PLK4: variants seen among roughly 807,000 people sequenced by gnomAD.
PLK4 encodes serine/threonine-protein kinase PLK4.
A neutral mutation model predicts 103.0 loss-of-function variants in PLK4; 51 were observed. The ratio of observed to expected loss-of-function variants is 0.50; its 90% CI spans 0.40 to 0.63. The LOEUF (loss-of-function observed/expected upper bound fraction) is 0.63, where lower values mean the gene tolerates loss of function less well. Ranked by LOEUF, PLK4 falls within the 20% of genes least tolerant of loss-of-function variation. The probability of loss-of-function intolerance (pLI) is 0.00; values close to 1 mark genes in which losing one functional copy is unlikely to be tolerated. For missense variants in PLK4, 1,054 were observed against 1,151.0 expected (o/e 0.92, Z 1.22); for synonymous variants, 389 against 376.8 (o/e 1.03, Z -0.38).
intron 4 of PLK4, among the ~76,000 whole-genome samples, chr4:127,884,563 G>T (rs768110727): frequency 6.6e-6 from 1 of 152,176 alleles, no homozygotes; most frequent in South Asian, 2.1e-4. Context: ...CAGCACCTTG[G>T]GGGGCTGAGG....
In PLK4 at chr4:127,883,309, A is replaced by G; in HGVS notation, c.174A>G (p.Gln58=). The G allele has an allele frequency of 6.2e-7, 1 of 1,605,310 alleles. No homozygotes were observed. Among genetic ancestry groups the G allele is most frequent in the Non-Finnish European group, 8.5e-7 (1 of 1,172,260 alleles). Residue 58 remains glutamine (Q), a synonymous_variant, in exon 3 of 16, where the codon CAA becomes CAG. Coordinates refer to ENST00000270861, the MANE Select transcript of PLK4 (RefSeq NM_014264.5). ...AAGCAGGAATGGTACAGAGAGTCCA[A>G]AATGAGGTGAAAATACATTGCCAAT... ...MYKAGMVQRV[Q]NEVKIHCQLK...
intron 13 of PLK4, among the ~76,000 whole-genome samples, chr4:127,894,264 T>C (rs1735476580): frequency 1.3e-5 from 2 of 151,418 alleles, no homozygotes; most frequent in Non-Finnish European, 2.9e-5. Context: ...TGAGACGGAG[T>C]CACCCAGGCT....
At chr4:127,881,340 T>C (rs1734911881) in intron 1 of PLK4, 176 bp downstream of exon 1, 1 of 1,461,876 alleles carries the variant, frequency 6.8e-7, no homozygotes, top group South Asian at 1.4e-5. Context: ...GGCCCGCCCC[T>C]CAAGAGACAA....
intron 13 of PLK4, 96 bp from the exon 14 acceptor site, chr4:127,894,857 T>C: frequency 1.3e-6 from 1 of 767,844 alleles, no homozygotes; most frequent in Non-Finnish European, 1.9e-6. Context: ...TTAAAAAAAT[T>C]AAGCTAATGA....
At position 127,883,277 on chromosome 4, in the gene PLK4, A is replaced by C; in HGVS notation, c.142A>C (p.Met48Leu). The C allele has an allele frequency of 6.4e-7, 1 of 1,568,696 alleles. No homozygotes were observed. The highest frequency in any genetic ancestry group is 2.2e-5 in the East Asian group (1 of 44,578). ...VAIKMIDKKA[M>L]YKAGMVQRVQ... ...TTATTTTTAGATAGATAAGAAAGCC[A>C]TGTACAAAGCAGGAATGGTACAGAG... Residue 48 changes from methionine to leucine, a missense_variant, in exon 3 of 16, where the codon ATG (methionine) becomes CTG (leucine). This residue lies in a region of PLK4 where 199 missense variants were observed against 270.1 expected (regional missense o/e 0.74). Transcript: ENST00000270861.
At chr4:127,884,539 C>G (rs1275620619) in intron 4 of PLK4, among the ~76,000 whole-genome samples, 1 of 152,192 alleles carries the variant, frequency 6.6e-6, no homozygotes, top group Non-Finnish European at 1.5e-5. Flanking sequence ...CTCAGTGGCT[C>G]ACGCCTGTAA....
In PLK4 at chr4:127,890,111, G is replaced by T. The variant is rs1486840223; in HGVS notation, c.1705G>T (p.Glu569Ter). The T allele has an allele frequency of 1.2e-6, 2 of 1,614,068 alleles. No individual in the cohort carries two copies. Among genetic ancestry groups the T allele is most frequent in the Non-Finnish European group, 1.7e-6 (2 of 1,179,948 alleles). ...ECVFGSDPLS[E>*]QSKTRGMEPP... ...TGTTTTTGGCTCAGATCCTCTTTCT[G>T]AACAGAGCAAGACTAGGGGTATGGA... is the stretch of plus-strand genomic sequence containing the variant. Residue 569 changes from glutamate (E) to a stop codon, truncating the protein, a stop_gained, in exon 7 of 16, where the codon GAA becomes TAA. Coordinates refer to ENST00000270861, the MANE Select transcript of PLK4 (RefSeq NM_014264.5). LOFTEE classifies it high-confidence loss of function.
At position 127,898,957 on chromosome 4, in the gene PLK4, T is replaced by C. The variant is rs530886084; in HGVS notation, c.*416T>C. The C allele has an allele frequency of 6.5e-6, 1 of 153,964 alleles. No homozygotes were observed. The highest frequency in any genetic ancestry group is 2.1e-4 in the South Asian group (1 of 4,868). The allele number at this position is 153,964 out of a possible 1,614,324, so 9.5% of individuals were successfully genotyped here. A position where few individuals can be genotyped will look rare whatever the true frequency, so the allele number is the denominator to read the frequency against. On this transcript the variant is annotated 3_prime_UTR_variant, in exon 16 of 16. Coordinates refer to ENST00000270861, the MANE Select transcript of PLK4 (RefSeq NM_014264.5). ...ATGTAAATAATGTGTATTTATGTTA[T>C]AAGTAACATATGTAAACATGTATAT...
Position 127,891,645 on chromosome 4 carries a change from G to A in PLK4, c.2002G>A (p.Asp668Asn). 1 of 1,541,950 alleles carries A rather than the reference G, an allele frequency of 6.5e-7. No individual in the cohort carries two copies. The highest frequency in any genetic ancestry group is 1.8e-5 in the Admixed American group (1 of 54,460). The change falls in exon 9 of 16, where the codon GAC becomes AAC. Residue 668 changes from aspartate (D) to asparagine (N), a missense_variant. By Grantham distance (23) the Asp-to-Asn change is conservative. Transcript: ENST00000270861. ...TGCTGATAGACCACCCTCACCTACT[G>A]ACAACATCAGTAGGTACAGCTTTGA... ...PLADRPPSPT[D>N]NISRYSFDNL... is the part of the protein sequence containing the mutation.
chr4:127,891,230 C>G, intron 8 of PLK4, 34 bp downstream of exon 8: 2 of 1,053,380 alleles, frequency 1.9e-6, no homozygotes, highest in Non-Finnish European at 2.8e-6. Context: ...CTTGCAACTT[C>G]AAATTATCGT....
chr4:127,886,351 G>A lies in PLK4; in HGVS notation c.981G>A (p.Lys327=), dbSNP rs748916317. 1 of 1,613,638 alleles carries A rather than the reference G, an allele frequency of 6.2e-7. No individual in the cohort carries two copies. The highest frequency in any genetic ancestry group is 1.1e-5 in the South Asian group (1 of 90,954). ...PLPNKMTVFP[K]NKSSTDFSSS... ...CAAATAAAATGACTGTATTTCCAAA[G>A]AATAAAAGTTCAACTGATTTTTCTT... The change falls in exon 5 of 16, where the codon AAG becomes AAA. Residue 327 remains lysine (K), a synonymous_variant. Transcript: ENST00000270861.
intron 13 of PLK4, 132 bp from the exon 14 acceptor site, chr4:127,894,821 A>G: frequency 1.8e-6 from 1 of 565,942 alleles, no homozygotes; most frequent in Non-Finnish European, 3.0e-6. Context: ...TAATGTGGTT[A>G]TATTTTCGTT....
chr4:127,885,871 G>A lies in PLK4; in HGVS notation c.501G>A (p.Lys167=), dbSNP rs1250006986. ...CTCAACTGAAAATGCCACATGAAAA[G>A]CACTATACATTATGTGGAACTCCTA... is the stretch of plus-strand genomic sequence containing the variant. ...LATQLKMPHE[K]HYTLCGTPNY... Residue 167 remains lysine, a synonymous_variant, in exon 5 of 16, where the codon AAG becomes AAA. Coordinates refer to ENST00000270861, the MANE Select transcript of PLK4 (RefSeq NM_014264.5). The A allele has an allele frequency of 1.9e-6, 3 of 1,614,060 alleles. No individual in the cohort carries two copies. Among genetic ancestry groups the A allele is most frequent in the Non-Finnish European group, 2.5e-6 (3 of 1,179,984 alleles).
intron 7 of PLK4, 59 bp downstream of exon 7, chr4:127,890,295 G>C: frequency 7.2e-7 from 1 of 1,393,854 alleles, no homozygotes; most frequent in Non-Finnish European, 9.8e-7. Flanking sequence ...TACAATTCTT[G>C]AGAACATATT....
chr4:127,896,774 TCTTACCCATG>T lies in PLK4; in HGVS notation c.2704-22_2704-13del. On this transcript the variant is annotated splice_polypyrimidine_tract_variant and intron_variant, in intron 14 of 15. Coordinates refer to ENST00000270861, the MANE Select transcript of PLK4 (RefSeq NM_014264.5). ...TGTTTTTTTTTTTTTCTGTGCCTGTTCTTACCCATGCTTATTATTTTTCTAGTTAACTAGT... is the reference window on the plus strand; with the variant it reads ...TGTTTTTTTTTTTTTCTGTGCCTGTTCTTATTATTTTTCTAGTTAACTAGT... 7.3e-7 allele frequency: 1 copy of T among 1,367,980 alleles called. No homozygotes were observed. The highest frequency in any genetic ancestry group is 1.0e-6 in the Non-Finnish European group (1 of 959,696). 84.7% of individuals were successfully genotyped at this position (1,367,980 alleles called of 1,614,324 possible). A position where few individuals can be genotyped will look rare whatever the true frequency, so the allele number is the denominator to read the frequency against.
At chr4:127,896,019 A>G (rs137984487) in intron 14 of PLK4, among the ~76,000 whole-genome samples, 4 of 152,328 alleles carry the variant, frequency 2.6e-5, no homozygotes, top group African/African-American at 9.6e-5. Context: ...TGACACATGT[A>G]CTTTTACTTA....
rs555753268 is a variant in PLK4, at chr4:127,882,348, G to A, written c.126+422G>A. On this transcript the variant is annotated intron_variant, in intron 2 of 15. Coordinates refer to ENST00000270861, the MANE Select transcript of PLK4 (RefSeq NM_014264.5). ...TTAAGAATTATTTGTCAGCCGGGTG[G>A]GTGGCTCACACCTGTAATCTCAACG... 3.9e-5 allele frequency among the ~76,000 whole-genome samples: 6 copies of A among 152,238 alleles called. No individual in the cohort carries two copies. In the East Asian group the frequency reaches 9.6e-4, roughly 24 times the overall value.
chr4:127,885,855 A>G lies in PLK4; in HGVS notation c.485A>G (p.Lys162Arg). The change falls in exon 5 of 16, where the codon AAA becomes AGA. Residue 162 changes from lysine (K) to arginine (R), a missense_variant. This residue lies in a region of PLK4 where 199 missense variants were observed against 270.1 expected (regional missense o/e 0.74). Coordinates refer to ENST00000270861, the MANE Select transcript of PLK4 (RefSeq NM_014264.5). ...GATTTTGGGCTGGCAACTCAACTGA[A>G]AATGCCACATGAAAAGCACTATACA... ...IADFGLATQL[K>R]MPHEKHYTLC... is the part of the protein sequence containing the mutation. 1.9e-6 allele frequency: 3 copies of G among 1,614,130 alleles called. No homozygotes were observed. The highest frequency in any genetic ancestry group is 2.5e-6 in the Non-Finnish European group (3 of 1,179,998).
At position 127,881,104 on chromosome 4, in the gene PLK4, A is replaced by T; in HGVS notation, c.-31A>T. 6.2e-7 allele frequency: 1 copy of T among 1,613,558 alleles called. No individual in the cohort carries two copies. The highest frequency in any genetic ancestry group is 1.3e-5 in the African/African-American group (1 of 75,044). On this transcript the variant is annotated 5_prime_UTR_variant, in exon 1 of 16. Coordinates refer to ENST00000270861, the MANE Select transcript of PLK4 (RefSeq NM_014264.5). ...CGAAGGGACTGCGTGAAGGAAGCTA[A>T]TCCGGAGAACCCAGGCCAGAGCCTG... is the stretch of plus-strand genomic sequence containing the variant.
Sources: gnomAD v4.1 joint callset for allele counts (sites outside exome capture counted in the v4.1 genomes callset) on GRCh38, gnomAD v4.1.1 for gene constraint, gnomAD v4.1.1 regional missense constraint, MANE v1.5 for transcripts, NCBI Gene and HGNC (gene_info 2026-07-23, HGNC 2026-07-21) for gene names.